The following DOK6 variants were observed in gnomAD, a reference collection of about 807,000 sequenced individuals.
DOK6 encodes the protein docking protein 6.
DOK6 carries 22 observed loss-of-function variants against 44.0 expected under a neutral mutation model. The observed-to-expected ratio is 0.50, with a 90% CI of 0.36 to 0.71. The LOEUF is 0.71. DOK6 is among the 30% of genes least tolerant of loss of function. The probability of loss-of-function intolerance (pLI) is 0.00; values close to 1 mark genes in which losing one functional copy is unlikely to be tolerated. For synonymous variants in DOK6, 166 were observed against 145.5 expected (o/e 1.14, Z -1.01); for missense variants, 340 against 416.4 (o/e 0.82, Z 1.60).
At chr18:69,716,749 TAA>T (rs1011379323) in intron 5 of DOK6, among the ~76,000 whole-genome samples, 1 of 151,540 alleles carries the variant, frequency 6.6e-6, no homozygotes, top group African/African-American at 2.4e-5. Context: ...ACTGGCTTTT[TAA>T]AAAAATTGTT....
At chr18:69,488,838 C>T (rs1008667174) in intron 1 of DOK6, among the ~76,000 whole-genome samples, 2 of 152,184 alleles carry the variant, frequency 1.3e-5, no homozygotes, top group Non-Finnish European at 2.9e-5. Flanking sequence ...TCATGATTCA[C>T]TTATGTTATT....
At chr18:69,527,347 C>T (rs1018595830) in intron 1 of DOK6, among the ~76,000 whole-genome samples, 1 of 152,122 alleles carries the variant, frequency 6.6e-6, no homozygotes, top group African/African-American at 2.4e-5. Context: ...CTAGGGAGGC[C>T]TCAGGAAACT....
intron 7 of DOK6, among the ~76,000 whole-genome samples, chr18:69,774,133 GATATATAT>G (rs111360276): frequency 0.043 from 2,846 of 66,896 alleles, 220 homozygotes; most frequent in African/African-American, 0.11. Context: ...ATATATATGA[GATATATAT>G]ATATATATAT....
At chr18:69,743,833 A>G (rs1275127900) in intron 6 of DOK6, among the ~76,000 whole-genome samples, 1 of 151,914 alleles carries the variant, frequency 6.6e-6, no homozygotes, top group East Asian at 1.9e-4. Flanking sequence ...AAAAAAAAAA[A>G]AAACAGCATT....
intron 1 of DOK6, among the ~76,000 whole-genome samples, chr18:69,528,921 G>A (rs1487788353): frequency 6.6e-6 from 1 of 152,182 alleles, no homozygotes; most frequent in Admixed American, 6.5e-5. Context: ...AAATAATATG[G>A]CTCTTCCAGT....
intron 7 of DOK6, among the ~76,000 whole-genome samples, chr18:69,796,755 A>G (rs1980757718): frequency 6.6e-6 from 1 of 151,428 alleles, no homozygotes; most frequent in African/African-American, 2.4e-5. Context: ...CAATCTCCAC[A>G]ACTGTGAAGC....
chr18:69,515,000 A>G (rs536866287), intron 1 of DOK6, among the ~76,000 whole-genome samples: 22 of 152,154 alleles, frequency 1.4e-4, no homozygotes, highest in Non-Finnish European at 2.8e-4. Context: ...CTGATGGTGA[A>G]TCTTCTATGA....
chr18:69,692,410 A>G lies in DOK6; in HGVS notation c.410-5994A>G, dbSNP rs189400086. Among the ~76,000 whole-genome samples the G allele has an allele frequency of 2.8e-4, 42 of 152,370 alleles. 1 individual carries two copies. Among genetic ancestry groups the G allele is most frequent in the African/African-American group, 9.9e-4 (41 of 41,592 alleles). ...GGAAGAAAAACCATTTTCCTAAATT[A>G]CATCCTACTAAATCTGGGTCTTTTA... On this transcript the variant is annotated intron_variant, in intron 4 of 7. Transcript: ENST00000382713.
At chr18:69,749,285 C>T (rs1205188351) in intron 6 of DOK6, among the ~76,000 whole-genome samples, 5 of 152,092 alleles carry the variant, frequency 3.3e-5, no homozygotes, top group Non-Finnish European at 7.4e-5. Context: ...ACATCCTGCA[C>T]CTGTACCCCA....
At chr18:69,752,727 C>T (rs1290491533) in intron 6 of DOK6, among the ~76,000 whole-genome samples, 3 of 152,236 alleles carry the variant, frequency 2.0e-5, no homozygotes, top group Admixed American at 2.0e-4. Context: ...GCAGAAAACA[C>T]AAAAAACTCC....
chr18:69,426,289 G>A (rs999668816), intron 1 of DOK6, among the ~76,000 whole-genome samples: 6 of 151,962 alleles, frequency 3.9e-5, no homozygotes, highest in South Asian at 2.1e-4. Context: ...AAGCTGTCCA[G>A]GATCTTCCTA....
At chr18:69,607,146 G>C (rs1052557456) in intron 3 of DOK6, among the ~76,000 whole-genome samples, 1 of 152,116 alleles carries the variant, frequency 6.6e-6, no homozygotes, top group African/African-American at 2.4e-5. Context: ...CCAGAAACTA[G>C]GCCCTTTTTG....
chr18:69,509,351 G>A (rs1390689458), intron 1 of DOK6, among the ~76,000 whole-genome samples: 8 of 152,158 alleles, frequency 5.3e-5, no homozygotes, highest in Admixed American at 6.5e-5. Flanking sequence ...TTAAAGCCAG[G>A]ATATGGCCGG....
chr18:69,605,114 G>GTGTGTA lies in DOK6; in HGVS notation c.289+5621_289+5622insATGTGT, dbSNP rs1555716346. Among the ~76,000 whole-genome samples, 815 of 148,734 alleles carry GTGTGTA rather than the reference G, an allele frequency of 5.5e-3. 7 individuals carry two copies. Among genetic ancestry groups the GTGTGTA allele is most frequent in the Middle Eastern group, 0.018 (5 of 282 alleles). ...TGTGTGTGTGTGTGTGTGTGTGTGT[G>GTGTGTA]TGTGTGTGTGTGTTTCAGAATCAGC... is the stretch of plus-strand genomic sequence containing the variant. On this transcript the variant is annotated intron_variant, in intron 3 of 7. Coordinates refer to ENST00000382713, the MANE Select transcript of DOK6 (RefSeq NM_152721.6).
intron 5 of DOK6, among the ~76,000 whole-genome samples, chr18:69,718,534 A>G (rs1599283560): frequency 6.6e-6 from 1 of 152,366 alleles, no homozygotes; most frequent in East Asian, 1.9e-4. Flanking sequence ...ATTGGAAATA[A>G]CAAGTTAATA....
At chr18:69,548,058 A>G (rs972658315) in intron 1 of DOK6, among the ~76,000 whole-genome samples, 1 of 150,396 alleles carries the variant, frequency 6.6e-6, no homozygotes, top group Non-Finnish European at 1.5e-5. Flanking sequence ...GGTTCACTCC[A>G]TTCTCCTGCC....
chr18:69,427,081 C>A (rs1463740005), intron 1 of DOK6, among the ~76,000 whole-genome samples: 1 of 152,104 alleles, frequency 6.6e-6, no homozygotes, highest in Non-Finnish European at 1.5e-5. Context: ...AATTTATAAG[C>A]AAGAACATAT....
chr18:69,515,819 C>T (rs1981505914), intron 1 of DOK6, among the ~76,000 whole-genome samples: 2 of 152,128 alleles, frequency 1.3e-5, no homozygotes, highest in South Asian at 4.1e-4. Flanking sequence ...CATACATGTA[C>T]ACACAGTGTA....
intron 6 of DOK6, 47 bp downstream of exon 6, chr18:69,739,150 C>T (rs1978717597): frequency 6.2e-7 from 1 of 1,607,278 alleles, no homozygotes; most frequent in Non-Finnish European, 8.5e-7. Context: ...ATGAATGTCA[C>T]TGGGATCTGA....
Sources: allele counts gnomAD v4.1 joint callset (sites outside exome capture counted in the v4.1 genomes callset), GRCh38; gene constraint gnomAD v4.1.1; transcripts MANE v1.5; gene names NCBI Gene and HGNC (gene_info 2026-07-23, HGNC 2026-07-21).